The following PIGK variants were observed in gnomAD, a reference collection of about 807,000 sequenced individuals.
PIGK encodes the protein GPI-anchor transamidase.
Under a neutral mutation model 50.6 loss-of-function variants are expected in PIGK, and 42 were observed. The ratio of observed to expected loss-of-function variants is 0.83; its 90% CI spans 0.65 to 1.07. The LOEUF (loss-of-function observed/expected upper bound fraction) is 1.07. Ranked by LOEUF, PIGK falls within the 50% of genes least tolerant of loss-of-function variation. The pLI is 0.00. For missense variants in PIGK, 448 were observed against 488.7 expected (o/e 0.92, Z 0.78); for synonymous variants, 151 against 156.0 (o/e 0.97, Z 0.24).
At chr1:77,112,387 A>C (rs1480011522) in intron 10 of PIGK, among the ~76,000 whole-genome samples, 1 of 152,000 alleles carries the variant, frequency 6.6e-6, no homozygotes, top group Non-Finnish European at 1.5e-5. Context: ...CTGTGTTTTA[A>C]TTTGTCTCTA....
chr1:77,213,722 A>T (rs1338191937), intron 1 of PIGK, among the ~76,000 whole-genome samples: 2 of 152,120 alleles, frequency 1.3e-5, no homozygotes, highest in South Asian at 2.1e-4. Flanking sequence ...AAAGAGAATT[A>T]AAAAATACAA....
chr1:77,194,890 A>T, intron 3 of PIGK: 2 of 466,852 alleles, frequency 4.3e-6, no homozygotes, highest in Non-Finnish European at 8.4e-6. Flanking sequence ...GATATTTCGG[A>T]CAGGGAACCA....
In PIGK at chr1:77,132,003, G is replaced by A. The variant is rs79291295; in HGVS notation, c.987-9644C>T. Among the ~76,000 whole-genome samples the A allele has an allele frequency of 3.9e-5, 6 of 152,104 alleles. No homozygotes were observed. In the East Asian group the frequency reaches 7.7e-4, roughly 20 times the overall value. Reference sequence around the variant, plus strand: ...ATCTAAGTCTGCTGTCTTGTTTGCAGTTTGTTGGGAAAGGGTACATGTTTT... The same window carrying A: ...ATCTAAGTCTGCTGTCTTGTTTGCAATTTGTTGGGAAAGGGTACATGTTTT... On this transcript the variant is annotated intron_variant, in intron 9 of 10. Transcript: ENST00000370812.
At chr1:77,129,088 TA>T in intron 9 of PIGK, 1 of 866,516 alleles carries the variant, frequency 1.2e-6, no homozygotes, top group Non-Finnish European at 2.0e-6. Context: ...GCTCTTTCCC[TA>T]AGCAGCCTGA....
At chr1:77,156,533 G>T (rs1655012240) in intron 8 of PIGK, among the ~76,000 whole-genome samples, 1 of 152,074 alleles carries the variant, frequency 6.6e-6, no homozygotes, top group Non-Finnish European at 1.5e-5. Flanking sequence ...TCCAACTTCT[G>T]TGTATCTGCA....
intron 4 of PIGK, among the ~76,000 whole-genome samples, 166 bp from the exon 5 acceptor site, chr1:77,166,996 T>C (rs1296781966): frequency 6.6e-6 from 1 of 152,218 alleles, no homozygotes; most frequent in Non-Finnish European, 1.5e-5. Flanking sequence ...AATATATTCA[T>C]TTAAACATAT....
chr1:77,104,952 A>G (rs1252644902), intron 10 of PIGK, among the ~76,000 whole-genome samples: 2 of 152,158 alleles, frequency 1.3e-5, no homozygotes, highest in Non-Finnish European at 2.9e-5. Context: ...CAGTGCATGG[A>G]GCAACGGGGC....
At chr1:77,192,084 G>A (rs72683933) in intron 3 of PIGK, among the ~76,000 whole-genome samples, 5,738 of 151,944 alleles carry the variant, frequency 0.038, 210 homozygotes, top group South Asian at 0.21. Flanking sequence ...GCAGTGAGCC[G>A]AGACCGCGCC....
In PIGK at chr1:77,169,402, A is replaced by G. The variant is rs529938528; in HGVS notation, c.240-7T>C. The stretch of plus-strand genomic sequence containing the variant: ...AAGCATTAGGACAATGTGACTAGGG[A>G]AAAAAAATCCAGTAAATATATAATT... On this transcript the variant is annotated splice_polypyrimidine_tract_variant and splice_region_variant and intron_variant, in intron 3 of 10. Transcript: ENST00000370812. 1.5e-5 allele frequency: 24 copies of G among 1,569,634 alleles called. 1 individual carries two copies. In the African/African-American group the frequency reaches 1.6e-4, roughly 11 times the overall value.
In PIGK at chr1:77,219,415, C is replaced by T; in HGVS notation, c.-13G>A. Reference sequence around the variant, plus strand: ...CGGTGACGGCCATGTTTACCGGCTTCAGACTTCCCGCACCTGAAGGGGCGG... The same window carrying T: ...CGGTGACGGCCATGTTTACCGGCTTTAGACTTCCCGCACCTGAAGGGGCGG... On this transcript the variant is annotated 5_prime_UTR_variant, in exon 1 of 11. Coordinates refer to ENST00000370812, the MANE Select transcript of PIGK (RefSeq NM_005482.3). The T allele has an allele frequency of 6.2e-7, 1 of 1,611,244 alleles. No homozygotes were observed. Among genetic ancestry groups the T allele is most frequent in the Non-Finnish European group, 8.5e-7 (1 of 1,178,254 alleles).
chr1:77,169,292 C>T lies in PIGK; in HGVS notation c.343G>A (p.Asp115Asn). The change falls in exon 4 of 11, where the codon GAT (aspartate) becomes AAT (asparagine). Residue 115 changes from aspartate (D) to asparagine (N), a missense_variant. Transcript: ENST00000370812. ...CTTCTATAATCCACTTCCACATCAT[C>T]TCCATACACATTTAGTTCCATATTC... Reference protein sequence around the residue: ...HKNMELNVYGDDVEVDYRSYE... With the variant: ...HKNMELNVYGNDVEVDYRSYE... The T allele has an allele frequency of 6.3e-7, 1 of 1,587,478 alleles. No homozygotes were observed. The highest frequency in any genetic ancestry group is 1.2e-5 in the South Asian group (1 of 86,582).
In PIGK at chr1:77,090,796, A is replaced by G. The variant is rs1189182368; in HGVS notation, c.*1578T>C. 6.6e-6 allele frequency: 1 copy of G among 152,188 alleles called. No homozygotes were observed. Among genetic ancestry groups the G allele is most frequent in the Non-Finnish European group, 1.5e-5 (1 of 68,018 alleles). The allele number at this position is 152,188 out of a possible 1,614,324, so 9.4% of individuals were successfully genotyped here. ...TTTCATGTACAGAAAGATCCTTCAC[A>G]TAATCAGACAAAATTTTTCTTCCTC... On this transcript the variant is annotated 3_prime_UTR_variant, in exon 11 of 11. Coordinates refer to ENST00000370812, the MANE Select transcript of PIGK (RefSeq NM_005482.3).
In PIGK at chr1:77,210,754, A is replaced by C. The variant is rs1463992443; in HGVS notation, c.94-265T>G. On this transcript the variant is annotated intron_variant, in intron 1 of 10. Coordinates refer to ENST00000370812, the MANE Select transcript of PIGK (RefSeq NM_005482.3). ...GGCTTAGACACCAATTAAACAGAGT[A>C]ACCTTGATTAAGATACTTAACCTCC... 2.0e-5 allele frequency among the ~76,000 whole-genome samples: 3 copies of C among 152,176 alleles called. No individual in the cohort carries two copies. In the East Asian group the frequency reaches 5.8e-4, roughly 29 times the overall value.
At position 77,089,881 on chromosome 1, in the gene PIGK, C is replaced by T. The variant is rs1653258174; in HGVS notation, c.*2493G>A. 1 of 152,484 alleles carries T rather than the reference C, an allele frequency of 6.6e-6. No homozygotes were observed. Among genetic ancestry groups the T allele is most frequent in the Non-Finnish European group, 1.5e-5 (1 of 68,050 alleles). The allele number at this position is 152,484 out of a possible 1,614,324, so 9.4% of individuals were successfully genotyped here. The stretch of plus-strand genomic sequence containing the variant: ...TGGCATCATTATACCCTGTCCCTCC[C>T]TGAAATGTCAGGACACATCTGCAGG... On this transcript the variant is annotated 3_prime_UTR_variant, in exon 11 of 11. Coordinates refer to ENST00000370812, the MANE Select transcript of PIGK (RefSeq NM_005482.3).
Position 77,090,453 on chromosome 1 carries a change from T to C in PIGK, c.*1921A>G, listed in dbSNP as rs1043640999. ...GAACAACTGCCCTTTGAAATTCTGC[T>C]GAGGCAAAATTTATCCTGAATATTT... On this transcript the variant is annotated 3_prime_UTR_variant, in exon 11 of 11. Transcript: ENST00000370812. The C allele has an allele frequency of 1.7e-4, 26 of 152,242 alleles. No individual in the cohort carries two copies. The highest frequency in any genetic ancestry group is 1.2e-4 in the Non-Finnish European group (8 of 68,036). 9.4% of individuals were successfully genotyped at this position (152,242 alleles called of 1,614,324 possible).
chr1:77,133,616 A>T (rs1654432173), intron 9 of PIGK, among the ~76,000 whole-genome samples: 1 of 152,182 alleles, frequency 6.6e-6, no homozygotes, highest in Non-Finnish European at 1.5e-5. Flanking sequence ...AAGAAGGTCC[A>T]TGTGTTCCTC....
intron 2 of PIGK, among the ~76,000 whole-genome samples, chr1:77,208,988 A>AT (rs1557432810): frequency 6.6e-6 from 1 of 152,008 alleles, no homozygotes; most frequent in Non-Finnish European, 1.5e-5. Flanking sequence ...TCCTCTATCC[A>AT]TCTCCTTTAC....
At chr1:77,174,617 G>A (rs1655441082) in intron 3 of PIGK, among the ~76,000 whole-genome samples, 1 of 152,148 alleles carries the variant, frequency 6.6e-6, no homozygotes, top group Non-Finnish European at 1.5e-5. Context: ...TTGGATCAGA[G>A]AAAGCATGCT....
At chr1:77,157,872 C>T (rs945525954) in intron 8 of PIGK, among the ~76,000 whole-genome samples, 15 of 152,288 alleles carry the variant, frequency 9.8e-5, no homozygotes, top group Admixed American at 2.6e-4. Context: ...GGTTTTATAG[C>T]GGACAGTTCC....
Sources: allele counts gnomAD v4.1 joint callset (sites outside exome capture counted in the v4.1 genomes callset), GRCh38; gene constraint gnomAD v4.1.1; transcripts MANE v1.5; gene names NCBI Gene and HGNC (gene_info 2026-07-23, HGNC 2026-07-21).